TRAK1: variants seen among roughly 807,000 people sequenced by gnomAD.
The protein encoded by TRAK1 is trafficking kinesin-binding protein 1.
In TRAK1, 33 loss-of-function variants were observed where a neutral mutation model predicts 92.1. The observed-to-expected ratio is 0.36, with a 90% CI of 0.27 to 0.48. The LOEUF (loss-of-function observed/expected upper bound fraction) is 0.48, where lower values mean the gene tolerates loss of function less well. Ranked by LOEUF, TRAK1 falls within the 20% of genes least tolerant of loss-of-function variation. The pLI is 0.99. For missense variants in TRAK1, 1,123 were observed against 1,257.9 expected, an observed-to-expected ratio of 0.89 and a Z score of 1.62; for synonymous variants, 521 against 517.3, an observed-to-expected ratio of 1.01 and a Z score of -0.10.
chr3:42,176,741 C>T, intron 2 of TRAK1, 73 bp from the exon 3 acceptor site: 1 of 1,459,926 alleles, frequency 6.8e-7, no homozygotes, highest in South Asian at 1.2e-5. Context: ...ATTAGGGGCA[C>T]TTTTTTAGAT....
rs146268391 is a variant in TRAK1, at chr3:42,058,283, C to T, written c.-518-28821C>T. On this transcript the variant is annotated intron_variant, in intron 1 of 16. Coordinates refer to the TRAK1 transcript ENST00000487159. Reference sequence around the variant, plus strand: ...CCTTTAAATTTCATTTTATCATGTTCATCTTTATTATGATAACTGAGGACT... The same window carrying T: ...CCTTTAAATTTCATTTTATCATGTTTATCTTTATTATGATAACTGAGGACT... Among the ~76,000 whole-genome samples, 335 of 152,254 alleles carry T rather than the reference C, an allele frequency of 2.2e-3. 2 individuals carry two copies. The highest frequency in any genetic ancestry group is 7.3e-3 in the African/African-American group (302 of 41,552).
chr3:42,209,615 C>A, intron 13 of TRAK1, 152 bp from the exon 14 acceptor site: 1 of 712,160 alleles, frequency 1.4e-6, no homozygotes, highest in Non-Finnish European at 2.3e-6. Flanking sequence ...GGCGGCTCCA[C>A]TGAAGTTCCC....
At chr3:42,098,553 C>A (rs774708122) in intron 1 of TRAK1, among the ~76,000 whole-genome samples, 12 of 152,152 alleles carry the variant, frequency 7.9e-5, no homozygotes, top group Non-Finnish European at 1.0e-4. Context: ...GGGAACCTGA[C>A]CTGCGGGAGA....
At position 42,202,406 on chromosome 3, in the gene TRAK1, T is replaced by C. The variant is rs373085281; in HGVS notation, c.1428-30T>C. 6.2e-5 allele frequency: 90 copies of C among 1,459,352 alleles called. No individual in the cohort carries two copies. The highest frequency in any genetic ancestry group is 7.9e-5 in the Non-Finnish European group (87 of 1,101,192). The allele number at this position is 1,459,352 out of a possible 1,614,324, so 90.4% of individuals were successfully genotyped here. ...CTGTGGCCTTGGAGCCCTGCTGGCA[T>C]TCCACCCTCACACCCCTTTCTTCTT... is the stretch of plus-strand genomic sequence containing the variant. On this transcript the variant is annotated intron_variant, in intron 12 of 15. Coordinates refer to ENST00000327628, the MANE Select transcript of TRAK1 (RefSeq NM_001042646.3). The surrounding 1 kb of genome is among the most constrained non-coding windows in gnomAD (Gnocchi z 6.1).
At chr3:42,041,139 A>T (rs1313538488) in intron 1 of TRAK1, among the ~76,000 whole-genome samples, 122 of 91,470 alleles carry the variant, frequency 1.3e-3, no homozygotes, top group Admixed American at 9.6e-3. Context: ...ATTTATGCTT[A>T]AAAAAAAAAA....
In TRAK1 at chr3:42,091,532, C is replaced by A; in HGVS notation, c.63C>A (p.His21Gln). 1 of 1,612,982 alleles carries A rather than the reference C, an allele frequency of 6.2e-7. No homozygotes were observed. Among genetic ancestry groups the A allele is most frequent in the Non-Finnish European group, 8.5e-7 (1 of 1,179,752 alleles). The stretch of plus-strand genomic sequence containing the variant: ...CTCAGCCTCTGCCAGGACTCTGCCA[C>A]GGCAAGCTCATTCGGACAAACGCCT... ...VRAQPLPGLC[H>Q]GKLIRTNACD... Residue 21 changes from histidine (H) to glutamine (Q), a missense_variant, in exon 1 of 16, where the codon CAC (histidine) becomes CAA (glutamine). Transcript: ENST00000327628.
intron 4 of TRAK1, among the ~76,000 whole-genome samples, chr3:42,185,514 G>C (rs371561626): frequency 2.4e-4 from 36 of 152,290 alleles, no homozygotes; most frequent in East Asian, 9.7e-4. Context: ...GGACAGAGGA[G>C]AGCGGCTGTG....
intron 10 of TRAK1, among the ~76,000 whole-genome samples, chr3:42,197,066 T>C (rs1442546356): frequency 6.6e-6 from 1 of 151,300 alleles, no homozygotes; most frequent in East Asian, 2.0e-4. Flanking sequence ...ATATCTGCCT[T>C]CTTTTATAAT....
At chr3:42,193,500 A>G (rs1220109968) in intron 8 of TRAK1, among the ~76,000 whole-genome samples, 4 of 152,138 alleles carry the variant, frequency 2.6e-5, no homozygotes, top group Non-Finnish European at 5.9e-5. Flanking sequence ...TTGTTTTTAC[A>G]CAGTGCACTA....
intron 2 of TRAK1, chr3:42,146,403 A>G (rs977426237): frequency 4.6e-6 from 1 of 218,712 alleles, no homozygotes; most frequent in Non-Finnish European, 9.6e-6. Context: ...TCATAAATGT[A>G]TGTTTTTTAA....
At chr3:42,060,702 A>G (rs1255556325) in intron 1 of TRAK1, among the ~76,000 whole-genome samples, 2 of 141,964 alleles carry the variant, frequency 1.4e-5, no homozygotes, top group Non-Finnish European at 3.0e-5. Flanking sequence ...ATCTCTACGC[A>G]CTGCAACCTC....
chr3:42,183,568 A>AAAAAAAG (rs1553751625), intron 3 of TRAK1, among the ~76,000 whole-genome samples: 1 of 145,220 alleles, frequency 6.9e-6, no homozygotes, highest in Non-Finnish European at 1.5e-5. Flanking sequence ...AAAAAAAAAA[A>AAAAAAAG]AAAGAAAGAA....
upstream of TRAK1, among the ~76,000 whole-genome samples, chr3:42,089,273 C>T (rs193119567): frequency 4.6e-5 from 7 of 152,300 alleles, no homozygotes; most frequent in East Asian, 9.7e-4. Flanking sequence ...ATCTACCCAG[C>T]ATTTACTGTG....
At chr3:42,048,533 G>A (rs1050774201) in intron 1 of TRAK1, among the ~76,000 whole-genome samples, 5 of 148,952 alleles carry the variant, frequency 3.4e-5, no homozygotes, top group Non-Finnish European at 7.4e-5. Context: ...TTTTTCTTCG[G>A]TTACAGTTCT....
chr3:42,208,285 C>A (rs147835623), intron 13 of TRAK1, among the ~76,000 whole-genome samples: 2 of 152,284 alleles, frequency 1.3e-5, no homozygotes, highest in Non-Finnish European at 2.9e-5. Flanking sequence ...TCTGGGAACT[C>A]TTTAAACATG....
intron 1 of TRAK1, among the ~76,000 whole-genome samples, chr3:42,093,679 C>T (rs113374828): frequency 0.19 from 2,366 of 12,144 alleles, 38 homozygotes; most frequent in Middle Eastern, 0.42. Context: ...CCCCTCCCCT[C>T]CCCTCCCCTC....
chr3:42,120,333 A>G (rs575192561), intron 1 of TRAK1, among the ~76,000 whole-genome samples: 1 of 152,060 alleles, frequency 6.6e-6, no homozygotes, highest in South Asian at 2.1e-4. Context: ...ACACATTTTG[A>G]CTTGTTTACA....
At chr3:42,158,272 C>T (rs1285437133) in intron 2 of TRAK1, among the ~76,000 whole-genome samples, 1 of 151,976 alleles carries the variant, frequency 6.6e-6, no homozygotes, top group Non-Finnish European at 1.5e-5. Context: ...TTTTGTTTTC[C>T]TTTATATACA....
intron 14 of TRAK1, among the ~76,000 whole-genome samples, chr3:42,215,249 A>C (rs1040286887): frequency 6.6e-6 from 1 of 152,144 alleles, no homozygotes; most frequent in Non-Finnish European, 1.5e-5. Flanking sequence ...CTTCTTCCCT[A>C]TCTGTTTAAT....
Sources: gnomAD v4.1 joint callset for allele counts (sites outside exome capture counted in the v4.1 genomes callset) on GRCh38, gnomAD v4.1.1 for gene constraint, Gnocchi (gnomAD v3.1) non-coding constraint, MANE v1.5 for transcripts, NCBI Gene and HGNC (gene_info 2026-07-23, HGNC 2026-07-21) for gene names.